COL22A1: variants seen among roughly 807,000 people sequenced by gnomAD.
The protein encoded by COL22A1 is collagen alpha-1(XXII) chain.
In COL22A1, 221 loss-of-function variants were observed where a neutral mutation model predicts 248.9. The ratio of observed to expected loss-of-function variants is 0.89; its 90% CI spans 0.80 to 0.99. COL22A1 has a LOEUF of 0.99. Ranked by LOEUF, COL22A1 falls within the 50% of genes least tolerant of loss-of-function variation. The pLI, the probability that COL22A1 is intolerant of heterozygous loss-of-function variation, is 0.00. For missense variants in COL22A1, 2,240 were observed against 2,179.0 expected (o/e 1.03, Z -0.56); for synonymous variants, 891 against 793.4 (o/e 1.12, Z -2.07).
intron 3 of COL22A1, among the ~76,000 whole-genome samples, chr8:138,850,383 C>T (rs181895051): frequency 3.7e-4 from 57 of 152,306 alleles, no homozygotes; most frequent in African/African-American, 1.3e-3. Context: ...CAAAATATCG[C>T]CAGAAAGGAA....
chr8:138,646,769 A>C (rs1587753153), intron 46 of COL22A1, 87 bp from the exon 47 acceptor site: 2 of 919,714 alleles, frequency 2.2e-6, no homozygotes, highest in South Asian at 3.6e-5. Context: ...TCAGCCTCGT[A>C]CCTCCCTTCA....
At chr8:138,790,770 C>G (rs528296229) in intron 12 of COL22A1, among the ~76,000 whole-genome samples, 1 of 152,180 alleles carries the variant, frequency 6.6e-6, no homozygotes, top group Non-Finnish European at 1.5e-5. Flanking sequence ...ATGAGAAGCA[C>G]GACTGAGTAG....
At position 138,878,159 on chromosome 8, in the gene COL22A1, G is replaced by A. The variant is rs767612173; in HGVS notation, c.249C>T (p.Ser83=). The A allele has an allele frequency of 8.1e-6, 13 of 1,605,026 alleles. No individual in the cohort carries two copies. The highest frequency in any genetic ancestry group is 1.1e-5 in the South Asian group (1 of 89,194). Reference sequence around the variant, plus strand: ...ACTCGAAGGCCGTGGTGGGCCGGTCGCTGTAGCGCACGACCCCCACACGGG... The same window carrying A: ...ACTCGAAGGCCGTGGTGGGCCGGTCACTGTAGCGCACGACCCCCACACGGG... ...DRTRVGVVRY[S]DRPTTAFELG... is the part of the protein sequence containing the mutation. Residue 83 remains serine (S), a synonymous_variant, in exon 3 of 65, where the codon AGC becomes AGT. Coordinates refer to ENST00000303045, the MANE Select transcript of COL22A1 (RefSeq NM_152888.3).
Position 138,676,636 on chromosome 8 carries a change from C to G in COL22A1, c.3073-1G>C, listed in dbSNP as rs773674329. 6.4e-7 allele frequency: 1 copy of G among 1,558,318 alleles called. No individual in the cohort carries two copies. The highest frequency in any genetic ancestry group is 1.2e-5 in the South Asian group (1 of 84,630). On this transcript the variant is annotated splice_acceptor_variant, in intron 40 of 64. Transcript: ENST00000303045. LOFTEE classifies it high-confidence loss of function. ...GGATCCCAGGAGCTCCTCGATCCCC[C>G]TAGAAAGAGAGAAAAATAAGATCAA...
chr8:138,691,380 T>G (rs187184549), intron 35 of COL22A1, among the ~76,000 whole-genome samples: 1 of 151,614 alleles, frequency 6.6e-6, no homozygotes, highest in Admixed American at 6.6e-5. Context: ...TGCATGTGCA[T>G]GTGTGCATGT....
intron 3 of COL22A1, among the ~76,000 whole-genome samples, chr8:138,857,219 G>A (rs575362222): frequency 2.8e-4 from 43 of 152,142 alleles, no homozygotes; most frequent in Admixed American, 1.5e-3. Flanking sequence ...CTCCTGCCCC[G>A]GAGACATTGG....
intron 12 of COL22A1, among the ~76,000 whole-genome samples, chr8:138,793,304 C>T (rs371602268): frequency 2.4e-4 from 36 of 152,258 alleles, no homozygotes; most frequent in East Asian, 2.1e-3. Flanking sequence ...TCAATTCCCT[C>T]GGCCCACTCT....
At chr8:138,705,002 G>T (rs1252373355) in intron 30 of COL22A1, among the ~76,000 whole-genome samples, 1 of 152,164 alleles carries the variant, frequency 6.6e-6, no homozygotes, top group Non-Finnish European at 1.5e-5. Flanking sequence ...TTCAGTAGCT[G>T]ATTCAATCAA....
At chr8:138,645,597 C>T (rs534346342) in intron 47 of COL22A1, among the ~76,000 whole-genome samples, 7 of 152,224 alleles carry the variant, frequency 4.6e-5, no homozygotes, top group African/African-American at 9.6e-5. Flanking sequence ...GCATTTTGCC[C>T]GCAGTTGGCA....
At chr8:138,843,255 C>T (rs1821014688) in intron 4 of COL22A1, among the ~76,000 whole-genome samples, 1 of 152,146 alleles carries the variant, frequency 6.6e-6, no homozygotes, top group Non-Finnish European at 1.5e-5. Context: ...GGCAAGGTCC[C>T]TGGGATGCAA....
At chr8:138,835,179 C>T (rs989290540) in intron 4 of COL22A1, among the ~76,000 whole-genome samples, 4 of 152,134 alleles carry the variant, frequency 2.6e-5, no homozygotes, top group African/African-American at 9.7e-5. Flanking sequence ...CTGCCCTTTG[C>T]CATCCTGAGG....
intron 1 of COL22A1, among the ~76,000 whole-genome samples, chr8:138,890,926 G>A (rs972662241): frequency 5.3e-5 from 8 of 152,026 alleles, no homozygotes; most frequent in East Asian, 1.9e-4. Context: ...AGGAGGCTGA[G>A]GCAGGATGAT....
intron 35 of COL22A1, 72 bp downstream of exon 35, chr8:138,693,574 G>A: frequency 1.4e-6 from 2 of 1,453,920 alleles, no homozygotes; most frequent in Non-Finnish European, 1.9e-6. Flanking sequence ...GTGAGCCATA[G>A]AGCAGAGCAG....
At chr8:138,648,413 A>G (rs1587757749) in intron 46 of COL22A1, among the ~76,000 whole-genome samples, 1 of 152,356 alleles carries the variant, frequency 6.6e-6, no homozygotes, top group Non-Finnish European at 1.5e-5. Context: ...TGTACCATGT[A>G]TGGGTAAAAT....
chr8:138,724,535 C>T, intron 25 of COL22A1, 80 bp downstream of exon 25: 1 of 1,409,450 alleles, frequency 7.1e-7, no homozygotes, highest in Non-Finnish European at 9.9e-7. Context: ...GGCTCTGGGC[C>T]AGCTGCAAGG....
chr8:138,811,272 T>TACACACACAC (rs10566309), intron 9 of COL22A1, among the ~76,000 whole-genome samples: 1 of 148,650 alleles, frequency 6.7e-6, no homozygotes, highest in Admixed American at 6.7e-5. Context: ...TATATATATA[T>TACACACACAC]ACACACACAC....
intron 3 of COL22A1, among the ~76,000 whole-genome samples, chr8:138,861,496 C>T (rs1165422635): frequency 2.0e-5 from 3 of 152,242 alleles, no homozygotes; most frequent in Non-Finnish European, 4.4e-5. Flanking sequence ...GCAATGCTGA[C>T]ATCCTGCAGG....
chr8:138,854,671 C>T (rs1185532415), intron 3 of COL22A1, among the ~76,000 whole-genome samples: 2 of 152,202 alleles, frequency 1.3e-5, no homozygotes, highest in East Asian at 1.9e-4. Flanking sequence ...TCACACTTGC[C>T]TATTTCTATT....
At chr8:138,621,541 A>G (rs1819801511) in intron 52 of COL22A1, among the ~76,000 whole-genome samples, 1 of 152,194 alleles carries the variant, frequency 6.6e-6, no homozygotes, top group Non-Finnish European at 1.5e-5. Context: ...ACTGTAAACA[A>G]CAGCCTCTCA....
Sources: gnomAD v4.1 joint callset for allele counts (sites outside exome capture counted in the v4.1 genomes callset) on GRCh38, gnomAD v4.1.1 for gene constraint, MANE v1.5 for transcripts, NCBI Gene and HGNC (gene_info 2026-07-23, HGNC 2026-07-21) for gene names.